The following SNX31 variants were observed in gnomAD, a reference collection of about 807,000 sequenced individuals.
SNX31 encodes sorting nexin-31.
SNX31 carries 58 observed loss-of-function variants against 65.4 expected under a neutral mutation model. The observed-to-expected ratio is 0.89, with a 90% CI of 0.72 to 1.10. SNX31 has a LOEUF of 1.10. Ranked by LOEUF, SNX31 falls within the 50% of genes least tolerant of loss-of-function variation. The pLI, the probability that SNX31 is intolerant of heterozygous loss-of-function variation, is 0.00. For synonymous variants in SNX31, 181 were observed against 190.1 expected (o/e 0.95, Z 0.39); for missense variants, 523 against 529.7 (o/e 0.99, Z 0.12).
chr8:100,647,383 T>C (rs1288866116), intron 2 of SNX31, among the ~76,000 whole-genome samples: 4 of 152,232 alleles, frequency 2.6e-5, no homozygotes, highest in Non-Finnish European at 1.5e-5. Flanking sequence ...TTCTACTTCA[T>C]GTCTTACCAA....
At chr8:100,608,468 CT>C in intron 8 of SNX31, 25 bp downstream of exon 8, 1 of 1,610,776 alleles carries the variant, frequency 6.2e-7, no homozygotes, top group South Asian at 1.1e-5. Context: ...ATCTACGGTG[CT>C]GTCTGAGCTC....
intron 12 of SNX31, among the ~76,000 whole-genome samples, chr8:100,583,702 G>A (rs1383408837): frequency 6.6e-6 from 1 of 152,136 alleles, no homozygotes; most frequent in Non-Finnish European, 1.5e-5. Flanking sequence ...GTATCAAGAA[G>A]CTATGGATTC....
At chr8:100,654,445 C>T (rs1311482008), upstream of SNX31, among the ~76,000 whole-genome samples, 1 of 152,220 alleles carries the variant, frequency 6.6e-6, no homozygotes, top group Non-Finnish European at 1.5e-5. Flanking sequence ...GTCTCCAAAG[C>T]CCTTGCTCCT....
Position 100,613,151 on chromosome 8 carries a change from A to G in SNX31, c.433-66T>C. 1 of 1,290,324 alleles carries G rather than the reference A, an allele frequency of 7.7e-7. No individual in the cohort carries two copies. Among genetic ancestry groups the G allele is most frequent in the South Asian group, 1.2e-5 (1 of 83,524 alleles). 79.9% of individuals were successfully genotyped at this position (1,290,324 alleles called of 1,614,324 possible). ...GCCCACCATGCATCCTAACTGTGACATGCAGACTTGGAAATGGCCGGTACA... is the reference window on the plus strand; with the variant it reads ...GCCCACCATGCATCCTAACTGTGACGTGCAGACTTGGAAATGGCCGGTACA... On this transcript the variant is annotated intron_variant, in intron 5 of 13. Transcript: ENST00000311812. This position sits in a 1 kb window ranked among gnomAD's most constrained non-coding sequence, Gnocchi z 5.2.
At chr8:100,657,519 C>T (rs1563594791) in intron 1 of SNX31, among the ~76,000 whole-genome samples, 1 of 151,188 alleles carries the variant, frequency 6.6e-6, no homozygotes, top group Non-Finnish European at 1.5e-5. Context: ...CCCGAGGCTG[C>T]CTCTGGGTTT....
rs181336645 is a variant in SNX31, at chr8:100,613,341, T to C, written c.433-256A>G. On this transcript the variant is annotated intron_variant, in intron 5 of 13. Transcript: ENST00000311812. The surrounding 1 kb of genome is among the most constrained non-coding windows in gnomAD (Gnocchi z 5.2). ...GACAGAGGCTGGCCCCAAGTTGAGG[T>C]TGGTCATCCCATCTCAGATGTGGAC... Among the ~76,000 whole-genome samples the C allele has an allele frequency of 2.0e-5, 3 of 152,258 alleles. No homozygotes were observed. Among genetic ancestry groups the C allele is most frequent in the Middle Eastern group, 3.4e-3 (1 of 294 alleles).
chr8:100,574,921 G>A (rs534609574), intron 13 of SNX31, among the ~76,000 whole-genome samples: 9 of 152,282 alleles, frequency 5.9e-5, no homozygotes, highest in South Asian at 4.1e-4. Flanking sequence ...GCAAGGGAGC[G>A]AGACTCTGTC....
At chr8:100,611,631 C>G (rs982107092) in intron 7 of SNX31, among the ~76,000 whole-genome samples, 1 of 152,184 alleles carries the variant, frequency 6.6e-6, no homozygotes, top group African/African-American at 2.4e-5. Flanking sequence ...TCTTGGCTCA[C>G]TGCAGCCTCG....
At chr8:100,603,437 CT>C (rs1441075561) in intron 8 of SNX31, among the ~76,000 whole-genome samples, 400 of 141,572 alleles carry the variant, frequency 2.8e-3, no homozygotes, top group Middle Eastern at 7.3e-3. Context: ...GTTTCATTAC[CT>C]TTTTTTTTTT....
rs79294102 is a variant in SNX31 at position 100,599,606 on chromosome 8, C to T, written c.774+743G>A. On this transcript the variant is annotated intron_variant, in intron 9 of 13. Transcript: ENST00000311812. ...GCCTTTGAGGAATTATTTTCTGTTA[C>T]GTATAAATGAGTCCTCTAAATTTTG... Among the ~76,000 whole-genome samples the T allele has an allele frequency of 2.7e-3, 412 of 152,042 alleles. 2 individuals carry two copies. The highest frequency in any genetic ancestry group is 8.4e-3 in the African/African-American group (349 of 41,474).
intron 5 of SNX31, among the ~76,000 whole-genome samples, chr8:100,615,150 G>A (rs1419496001): frequency 6.6e-6 from 1 of 152,172 alleles, no homozygotes; most frequent in East Asian, 1.9e-4. Context: ...AAACTTACCT[G>A]ATCTGATGAT....
At chr8:100,597,011 C>G (rs1029247857) in intron 9 of SNX31, among the ~76,000 whole-genome samples, 169 bp from the exon 10 acceptor site, 1 of 152,140 alleles carries the variant, frequency 6.6e-6, no homozygotes, top group African/African-American at 2.4e-5. Flanking sequence ...GATAATGCCC[C>G]TGGTGCTCAC....
chr8:100,620,277 C>G (rs988334406), intron 4 of SNX31, among the ~76,000 whole-genome samples: 3 of 152,194 alleles, frequency 2.0e-5, no homozygotes, highest in African/African-American at 7.2e-5. Flanking sequence ...CAACAGCTCC[C>G]CTTTCCTCAG....
chr8:100,628,595 TG>T (rs1818204880), intron 4 of SNX31, among the ~76,000 whole-genome samples: 1 of 71,514 alleles, frequency 1.4e-5, no homozygotes, highest in Non-Finnish European at 2.9e-5. Context: ...TGTTGTGGGG[TG>T]GGGGGAAGGG....
intron 8 of SNX31, among the ~76,000 whole-genome samples, chr8:100,607,035 T>C (rs939085853): frequency 2.0e-5 from 3 of 152,074 alleles, no homozygotes; most frequent in African/African-American, 7.2e-5. Flanking sequence ...TAAACAAATA[T>C]ACACAACACA....
intron 2 of SNX31, among the ~76,000 whole-genome samples, chr8:100,639,094 A>G (rs1818976795): frequency 6.6e-6 from 1 of 152,212 alleles, no homozygotes; most frequent in African/African-American, 2.4e-5. Context: ...TTTTAGGGCA[A>G]TAAAACTAGT....
chr8:100,659,467 G>A (rs1447842104), intron 1 of SNX31, among the ~76,000 whole-genome samples: 1 of 151,854 alleles, frequency 6.6e-6, no homozygotes, highest in Non-Finnish European at 1.5e-5. Context: ...GGGTCTCAGA[G>A]ACAGATATCT....
chr8:100,632,420 T>C (rs558712201), intron 3 of SNX31, among the ~76,000 whole-genome samples: 2 of 152,128 alleles, frequency 1.3e-5, no homozygotes, highest in East Asian at 3.9e-4. Flanking sequence ...AAAAATTTAA[T>C]GGGAAATAGA....
rs1815969485 is a variant in SNX31 at position 100,604,639 on chromosome 8, C to T, written c.681+3855G>A. The stretch of plus-strand genomic sequence containing the variant: ...CAATGGCCCCGCTGAAATGCAGGCC[C>T]AGAATTGACTGAGCCTTCAAAATGT... On this transcript the variant is annotated intron_variant, in intron 8 of 13. Coordinates refer to ENST00000311812, the MANE Select transcript of SNX31 (RefSeq NM_152628.4). This position sits in a 1 kb window ranked among gnomAD's most constrained non-coding sequence, Gnocchi z 4.3. Among the ~76,000 whole-genome samples, 1 of 152,254 alleles carries T rather than the reference C, an allele frequency of 6.6e-6. No individual in the cohort carries two copies. Among genetic ancestry groups the T allele is most frequent in the Non-Finnish European group, 1.5e-5 (1 of 68,044 alleles).
Sources: gnomAD v4.1 joint callset for allele counts (sites outside exome capture counted in the v4.1 genomes callset) on GRCh38, gnomAD v4.1.1 for gene constraint, Gnocchi (gnomAD v3.1) non-coding constraint, MANE v1.5 for transcripts, NCBI Gene and HGNC (gene_info 2026-07-23, HGNC 2026-07-21) for gene names.